REDIC1: variants seen among roughly 807,000 people sequenced by gnomAD.
REDIC1 encodes regulator of DNA class I crossover intermediates 1, also known as HEI10 Interacting Protein 1.
the REDIC1 span, among the ~76,000 whole-genome samples, chr12:39,785,693 C>T: frequency 5.9e-5 from 9 of 152,106 alleles, no homozygotes; most frequent in African/African-American, 9.7e-5. Context: ...TGAAAGCAGC[C>T]AGGAGGGAGG....
At chr12:39,670,176 T>C in the REDIC1 span, among the ~76,000 whole-genome samples, 1 of 152,148 alleles carries the variant, frequency 6.6e-6, no homozygotes, top group Non-Finnish European at 1.5e-5. Context: ...TGTTCCTATT[T>C]GGCCATCTGA....
chr12:39,714,027 A>G, the REDIC1 span, among the ~76,000 whole-genome samples: 1 of 56,700 alleles, frequency 1.8e-5, no homozygotes, highest in African/African-American at 4.9e-5. Context: ...TTATATAAGT[A>G]TATATACATG....
At chr12:39,735,852 A>G in the REDIC1 span, among the ~76,000 whole-genome samples, 26 of 152,332 alleles carry the variant, frequency 1.7e-4, no homozygotes, top group East Asian at 5.0e-3. Context: ...AAAGGTAGAG[A>G]AATGCTTATC....
At chr12:39,666,653 CCTT>C in the REDIC1 span, among the ~76,000 whole-genome samples, 4 of 152,216 alleles carry the variant, frequency 2.6e-5, no homozygotes, top group African/African-American at 9.6e-5. Flanking sequence ...ACCAGCTCCT[CCTT>C]GTACCTTTGG....
chr12:39,837,709 A>T, the REDIC1 span, among the ~76,000 whole-genome samples: 14 of 152,214 alleles, frequency 9.2e-5, no homozygotes, highest in African/African-American at 3.4e-4. Context: ...TCAAAAGAAG[A>T]CATTTATACA....
the REDIC1 span, among the ~76,000 whole-genome samples, chr12:39,896,158 G>A: frequency 4.1e-4 from 60 of 147,124 alleles, 3 homozygotes; most frequent in East Asian, 4.1e-3. Flanking sequence ...ATGTATACAC[G>A]TGTATACATA....
chr12:39,679,881 T>G, the REDIC1 span, among the ~76,000 whole-genome samples: 2 of 151,982 alleles, frequency 1.3e-5, no homozygotes, highest in Admixed American at 6.6e-5. Context: ...AACCAAAACA[T>G]AAAGTGGGGA....
chr12:39,817,571 T>A, the REDIC1 span, among the ~76,000 whole-genome samples: 1 of 152,150 alleles, frequency 6.6e-6, no homozygotes, highest in Non-Finnish European at 1.5e-5. Context: ...TGATGGCAGC[T>A]AAGGGGGTTA....
At chr12:39,653,056 C>T in the REDIC1 span, among the ~76,000 whole-genome samples, 1 of 151,942 alleles carries the variant, frequency 6.6e-6, no homozygotes, top group Non-Finnish European at 1.5e-5. Context: ...GTTTCTGCAG[C>T]ACAATCAAAA....
At chr12:39,799,530 G>C in the REDIC1 span, among the ~76,000 whole-genome samples, 3 of 151,966 alleles carry the variant, frequency 2.0e-5, no homozygotes, top group East Asian at 5.8e-4. Flanking sequence ...AGAACTGGCA[G>C]AGTAGAGTAA....
the REDIC1 span, among the ~76,000 whole-genome samples, chr12:39,701,413 A>T: frequency 6.6e-6 from 1 of 152,220 alleles, no homozygotes; most frequent in African/African-American, 2.4e-5. Context: ...TGCACCCAAT[A>T]CAGGAGCACC....
the REDIC1 span, among the ~76,000 whole-genome samples, chr12:39,824,613 G>C: frequency 6.6e-6 from 1 of 152,148 alleles, no homozygotes; most frequent in Admixed American, 6.5e-5. Flanking sequence ...GTGTCTCCTG[G>C]AAATCTCCAG....
chr12:39,712,589 A>C, the REDIC1 span, among the ~76,000 whole-genome samples: 1 of 144,694 alleles, frequency 6.9e-6, no homozygotes, highest in Non-Finnish European at 1.5e-5. Flanking sequence ...ATATGTATAT[A>C]CGTATATACA....
chr12:39,629,594 A>C, the REDIC1 span, among the ~76,000 whole-genome samples: 1 of 152,148 alleles, frequency 6.6e-6, no homozygotes, highest in African/African-American at 2.4e-5. Flanking sequence ...CATATATAAA[A>C]TGTCTTTTTG....
At chr12:39,725,560 A>G in the REDIC1 span, among the ~76,000 whole-genome samples, 7 of 152,008 alleles carry the variant, frequency 4.6e-5, no homozygotes, top group African/African-American at 9.7e-5. Context: ...TTGGTCTACA[A>G]TATGTATTCC....
chr12:39,891,650 A>T, the REDIC1 span, among the ~76,000 whole-genome samples: 1 of 152,136 alleles, frequency 6.6e-6, no homozygotes, highest in Non-Finnish European at 1.5e-5. Context: ...GACAATCCTT[A>T]AGGTATGTAT....
At chr12:39,715,955 C>T in the REDIC1 span, among the ~76,000 whole-genome samples, 7 of 151,930 alleles carry the variant, frequency 4.6e-5, no homozygotes, top group African/African-American at 1.7e-4. Flanking sequence ...AAATTTCCTT[C>T]TAGAATGATG....
chr12:39,695,729 T>G, the REDIC1 span, among the ~76,000 whole-genome samples: 1 of 152,124 alleles, frequency 6.6e-6, no homozygotes, highest in Non-Finnish European at 1.5e-5. Context: ...CACCTGCTGA[T>G]TGCAGAGCCC....
At chr12:39,733,218 G>A in the REDIC1 span, among the ~76,000 whole-genome samples, 2 of 152,120 alleles carry the variant, frequency 1.3e-5, no homozygotes, top group African/African-American at 4.8e-5. Context: ...AGTTGCCAAT[G>A]TACTCTGCAT....
Sources: allele counts gnomAD v4.1 joint callset (sites outside exome capture counted in the v4.1 genomes callset), GRCh38; gene constraint gnomAD v4.1.1; transcripts MANE v1.5; gene names NCBI Gene and HGNC (gene_info 2026-07-23, HGNC 2026-07-21).